The following PIK3CD variants were observed in gnomAD, a reference collection of about 807,000 sequenced individuals.
PIK3CD encodes the protein phosphatidylinositol 4,5-bisphosphate 3-kinase catalytic subunit delta isoform.
A neutral mutation model predicts 122.9 loss-of-function variants in PIK3CD; 20 were observed. The observed-to-expected ratio is 0.16, with a 90% confidence interval of 0.11 to 0.24. The LOEUF (loss-of-function observed/expected upper bound fraction) is 0.24. Among genes scored for constraint, PIK3CD ranks in the 10% least tolerant of loss-of-function variants. The pLI is 1.00. For synonymous variants in PIK3CD, 596 were observed against 593.4 expected (o/e 1.00, Z -0.06); for missense variants, 787 against 1,406.3 (o/e 0.56, Z 7.04).
At chr1:9,655,364 T>G (rs936875692) in intron 1 of PIK3CD, among the ~76,000 whole-genome samples, 11 of 152,068 alleles carry the variant, frequency 7.2e-5, no homozygotes, top group African/African-American at 2.7e-4. Context: ...GTCTTTAGTT[T>G]GGTTGGTGGA....
intron 13 of PIK3CD, 23 bp from the exon 14 acceptor site, chr1:9,721,104 A>G: frequency 6.2e-7 from 1 of 1,605,742 alleles, no homozygotes; most frequent in Non-Finnish European, 8.5e-7. Context: ...GCCGCCCCCA[A>G]GCCTGACCTC....
Position 9,654,394 on chromosome 1 carries a change from C to A in PIK3CD, c.-138+2592C>A, listed in dbSNP as rs766849444. The A allele has an allele frequency of 9.5e-6, 13 of 1,367,546 alleles. No homozygotes were observed. In the Admixed American group the frequency reaches 2.5e-4, roughly 26 times the overall value. The allele number at this position is 1,367,546 out of a possible 1,614,324, so 84.7% of individuals were successfully genotyped here. On this transcript the variant is annotated intron_variant, in intron 1 of 23. Coordinates refer to ENST00000377346, the MANE Select transcript of PIK3CD (RefSeq NM_005026.5). ...TGTTTCCTGAGATCACACGGGGTGC[C>A]AGGGGCTGTGCTAAGAACAGGGCAG...
Position 9,717,697 on chromosome 1 carries a change from G to T in PIK3CD, c.1020+71G>T. The T allele has an allele frequency of 7.3e-7, 1 of 1,372,122 alleles. No individual in the cohort carries two copies. Among genetic ancestry groups the T allele is most frequent in the Non-Finnish European group, 1.0e-6 (1 of 970,108 alleles). 85.0% of individuals were successfully genotyped at this position (1,372,122 alleles called of 1,614,324 possible). On this transcript the variant is annotated intron_variant, in intron 8 of 23. Transcript: ENST00000377346. The surrounding 1 kb of genome is among the most constrained non-coding windows in gnomAD (Gnocchi z 5.4). The stretch of plus-strand genomic sequence containing the variant: ...AACAAGGTGGCTGTATCCTGGAGGG[G>T]TAGCAGAGGAAGGAGGGGGATCACA...
At chr1:9,703,257 G>A (rs751898290) in intron 2 of PIK3CD, among the ~76,000 whole-genome samples, 3 of 152,246 alleles carry the variant, frequency 2.0e-5, no homozygotes, top group Non-Finnish European at 4.4e-5. Context: ...GAGATAACGT[G>A]TAGTGATAGG....
chr1:9,726,776 G>C, intron 23 of PIK3CD, 133 bp from the exon 24 acceptor site: 1 of 1,163,878 alleles, frequency 8.6e-7, no homozygotes, highest in Non-Finnish European at 1.2e-6. Context: ...GCGGAATAGA[G>C]AGCTTTTCCT....
intron 1 of PIK3CD, among the ~76,000 whole-genome samples, chr1:9,658,121 G>A (rs1476784679): frequency 6.6e-6 from 1 of 152,116 alleles, no homozygotes; most frequent in Non-Finnish European, 1.5e-5. Context: ...GGTGGTTCAT[G>A]CTTGTATTCC....
rs1647228520 is a variant in PIK3CD at position 9,715,068 on chromosome 1, T to G, written c.142-473T>G. Among the ~76,000 whole-genome samples, 1 of 152,024 alleles carries G rather than the reference T, an allele frequency of 6.6e-6. No individual in the cohort carries two copies. The highest frequency in any genetic ancestry group is 1.5e-5 in the Non-Finnish European group (1 of 68,006). On this transcript the variant is annotated intron_variant, in intron 3 of 23. Transcript: ENST00000377346. The surrounding 1 kb of genome is among the most constrained non-coding windows in gnomAD (Gnocchi z 4.1). ...GGTGCATGCCTATAATCCCAGCTACTCGGGAGGCTGAGGCAAGAGAATCAC... is the reference window on the plus strand; with the variant it reads ...GGTGCATGCCTATAATCCCAGCTACGCGGGAGGCTGAGGCAAGAGAATCAC...
the PIK3CD span, among the ~76,000 whole-genome samples, chr1:9,643,473 AAGGGAGGGAGGG>A: frequency 6.8e-5 from 7 of 102,938 alleles, no homozygotes; most frequent in African/African-American, 2.6e-4. Flanking sequence ...GGAGGGAAGG[AAGGGAGGGAGGG>A]AGGGAGGGAG....
At chr1:9,651,092 G>A (rs936225903), upstream of PIK3CD, among the ~76,000 whole-genome samples, 25 of 152,232 alleles carry the variant, frequency 1.6e-4, no homozygotes, top group Admixed American at 6.5e-4. Flanking sequence ...TGATCCTCCC[G>A]CCTCGGCCTC....
chr1:9,690,799 T>C (rs933773433), intron 1 of PIK3CD, among the ~76,000 whole-genome samples: 2 of 152,206 alleles, frequency 1.3e-5, no homozygotes, highest in African/African-American at 2.4e-5. Context: ...CCTAGTGGGC[T>C]CTGGGCCGAA....
At chr1:9,678,822 C>T (rs1645637399) in intron 1 of PIK3CD, among the ~76,000 whole-genome samples, 2 of 152,204 alleles carry the variant, frequency 1.3e-5, no homozygotes, top group Admixed American at 6.5e-5. Flanking sequence ...CAAGTTTGCC[C>T]CTGCCATTTA....
chr1:9,717,611 C>G lies in PIK3CD; in HGVS notation c.1005C>G (p.Ala335=). The G allele has an allele frequency of 1.9e-6, 3 of 1,614,056 alleles. No homozygotes were observed. The highest frequency in any genetic ancestry group is 2.5e-6 in the Non-Finnish European group (3 of 1,180,002). ...IELIQGSKVN[A]DERMKLVVQA... ...TCATCCAGGGCAGCAAAGTGAACGC[C>G]GACGAGCGGATGAAGGTGGGGCTCC... The change falls in exon 8 of 24, where the codon GCC becomes GCG. Residue 335 remains alanine (A), a synonymous_variant. Transcript: ENST00000377346. This position sits in a 1 kb window ranked among gnomAD's most constrained non-coding sequence, Gnocchi z 5.4.
intron 2 of PIK3CD, among the ~76,000 whole-genome samples, chr1:9,698,022 C>A (rs1440802175): frequency 6.6e-6 from 1 of 151,910 alleles, no homozygotes; most frequent in African/African-American, 2.4e-5. Flanking sequence ...CACAGCCAGA[C>A]CTTGTCTCAA....
At chr1:9,653,736 C>T in intron 1 of PIK3CD, 1 of 1,212,828 alleles carries the variant, frequency 8.2e-7, no homozygotes, top group Non-Finnish European at 1.1e-6. Context: ...CTCTCTAGAG[C>T]AGAAATGCCA....
chr1:9,657,501 T>C (rs1018541300), intron 1 of PIK3CD, among the ~76,000 whole-genome samples: 1 of 152,110 alleles, frequency 6.6e-6, no homozygotes, highest in Non-Finnish European at 1.5e-5. Flanking sequence ...TGCTGGACCA[T>C]TGACCCCAGC....
rs572370105 is a variant in PIK3CD at position 9,721,036 on chromosome 1, A to C, written c.1690-91A>C. The C allele has an allele frequency of 3.7e-5, 51 of 1,360,686 alleles. No individual in the cohort carries two copies. The African/African-American group carries it at 4.8e-4, about 13-fold the overall frequency. The allele number at this position is 1,360,686 out of a possible 1,614,324, so 84.3% of individuals were successfully genotyped here. On this transcript the variant is annotated intron_variant, in intron 13 of 23. Coordinates refer to ENST00000377346, the MANE Select transcript of PIK3CD (RefSeq NM_005026.5). ...ACCTTCACCCTGACCCTGGCCACCC[A>C]CCACCCTGACCCTGGCTGGCCATCA...
At chr1:9,702,320 T>C (rs1280288769) in intron 2 of PIK3CD, among the ~76,000 whole-genome samples, 3 of 151,744 alleles carry the variant, frequency 2.0e-5, no homozygotes, top group African/African-American at 7.3e-5. Context: ...GTCTAAAAAC[T>C]GTATCACAGG....
chr1:9,633,535 C>T, the PIK3CD span, among the ~76,000 whole-genome samples: 1 of 151,990 alleles, frequency 6.6e-6, no homozygotes, highest in Non-Finnish European at 1.5e-5. Context: ...TCTCAAACTC[C>T]TGACCTCAGG....
chr1:9,642,453 C>T, the PIK3CD span, among the ~76,000 whole-genome samples: 12 of 150,628 alleles, frequency 8.0e-5, no homozygotes, highest in Non-Finnish European at 1.6e-4. Flanking sequence ...CGCCATGGCT[C>T]ACGCCTGTAA....
Sources: gnomAD v4.1 joint callset for allele counts (sites outside exome capture counted in the v4.1 genomes callset) on GRCh38, gnomAD v4.1.1 for gene constraint, Gnocchi (gnomAD v3.1) non-coding constraint, MANE v1.5 for transcripts, NCBI Gene and HGNC (gene_info 2026-07-23, HGNC 2026-07-21) for gene names.